GNAI1: variants seen among roughly 807,000 people sequenced by gnomAD.
GNAI1 encodes guanine nucleotide-binding protein G(i) subunit alpha-1.
Under a neutral mutation model 38.9 loss-of-function variants are expected in GNAI1, and 11 were observed. That is an observed-to-expected ratio of 0.28 (90% CI 0.18 to 0.47). The LOEUF is 0.47. GNAI1 is among the 20% of genes least tolerant of loss of function. GNAI1 has a pLI of 0.99. For missense variants in GNAI1, 317 were observed against 436.9 expected (o/e 0.73, Z 2.45); for synonymous variants, 166 against 145.1 (o/e 1.14, Z -1.04).
At chr7:80,172,994 A>C (rs941520705) in intron 1 of GNAI1, among the ~76,000 whole-genome samples, 2 of 152,182 alleles carry the variant, frequency 1.3e-5, no homozygotes. Flanking sequence ...GCACATGGCC[A>C]CACAGTTAGT....
At chr7:80,210,928 G>T in intron 5 of GNAI1, 41 bp from the exon 6 acceptor site, 1 of 1,583,860 alleles carries the variant, frequency 6.3e-7, no homozygotes, top group South Asian at 1.1e-5. Flanking sequence ...AGAGCTTTTT[G>T]AACATTTAAT....
intron 1 of GNAI1, among the ~76,000 whole-genome samples, chr7:80,141,069 C>T (rs1787517548): frequency 6.6e-6 from 1 of 152,194 alleles, no homozygotes; most frequent in Non-Finnish European, 1.5e-5. Context: ...CCACATAATC[C>T]AAGTTAATAG....
At chr7:80,209,180 A>G (rs1788830106) in intron 5 of GNAI1, among the ~76,000 whole-genome samples, 1 of 152,100 alleles carries the variant, frequency 6.6e-6, no homozygotes, top group Admixed American at 6.6e-5. Flanking sequence ...AGTCACTTCC[A>G]TGTTTTTAGG....
Position 80,185,407 on chromosome 7 carries a change from A to G in GNAI1, c.119-3544A>G, listed in dbSNP as rs78413172. Among the ~76,000 whole-genome samples, 573 of 152,254 alleles carry G rather than the reference A, an allele frequency of 3.8e-3. 1 individual carries two copies. Among genetic ancestry groups the G allele is most frequent in the Non-Finnish European group, 5.7e-3 (391 of 68,024 alleles). ...TAAGAATTGTTTAAGTAGATCCTGA[A>G]TTCCAATTTAACAGCTGAGGCCATC... On this transcript the variant is annotated intron_variant, in intron 1 of 7. Coordinates refer to ENST00000649796, the MANE Select transcript of GNAI1 (RefSeq NM_002069.6).
At chr7:80,197,498 A>G (rs955436403) in intron 3 of GNAI1, among the ~76,000 whole-genome samples, 1 of 151,990 alleles carries the variant, frequency 6.6e-6, no homozygotes, top group Non-Finnish European at 1.5e-5. Context: ...AAACCTACTT[A>G]AGCGAAGAGT....
intron 4 of GNAI1, among the ~76,000 whole-genome samples, chr7:80,200,093 A>G (rs189823321): frequency 2.6e-5 from 4 of 151,940 alleles, no homozygotes; most frequent in African/African-American, 9.7e-5. Flanking sequence ...AGGTGGGCAG[A>G]TCACTTGAGC....
chr7:80,168,776 C>T (rs1788055775), intron 1 of GNAI1, among the ~76,000 whole-genome samples: 1 of 152,168 alleles, frequency 6.6e-6, no homozygotes, highest in Non-Finnish European at 1.5e-5. Flanking sequence ...CTACATCATC[C>T]CAAATTAAAA....
In GNAI1 at chr7:80,222,880, T is replaced by C. The variant is rs1487538286; in HGVS notation, c.*5387T>C. Among the ~76,000 whole-genome samples, 1 of 152,174 alleles carries C rather than the reference T, an allele frequency of 6.6e-6. No individual in the cohort carries two copies. Among genetic ancestry groups the C allele is most frequent in the Non-Finnish European group, 1.5e-5 (1 of 68,038 alleles). On this transcript the variant is annotated 3_prime_UTR_variant, in exon 8 of 8. Coordinates refer to ENST00000649796, the MANE Select transcript of GNAI1 (RefSeq NM_002069.6). ...CACTGTAAGTTGATAATACCTTATT[T>C]TGAAAATGCATTTAATACACCTAAC...
intron 3 of GNAI1, among the ~76,000 whole-genome samples, chr7:80,198,201 C>A (rs1019555413): frequency 6.6e-6 from 1 of 151,314 alleles, no homozygotes; most frequent in Non-Finnish European, 1.5e-5. Context: ...TTGAAATGGG[C>A]TGTATGCATA....
At chr7:80,211,876 G>C (rs1788880742) in intron 6 of GNAI1, among the ~76,000 whole-genome samples, 1 of 152,160 alleles carries the variant, frequency 6.6e-6, no homozygotes, top group African/African-American at 2.4e-5. Flanking sequence ...AAGTAGAAAT[G>C]TCGGTTTTGT....
At chr7:80,138,621 G>A (rs1399730177) in intron 1 of GNAI1, among the ~76,000 whole-genome samples, 2 of 152,048 alleles carry the variant, frequency 1.3e-5, no homozygotes, top group East Asian at 3.8e-4. Flanking sequence ...ATTTCGGTAG[G>A]TAACTATAGT....
At chr7:80,211,164 C>A (rs1788866896) in intron 6 of GNAI1, 66 bp downstream of exon 6, 14 of 1,405,326 alleles carry the variant, frequency 1.0e-5, no homozygotes, top group Non-Finnish European at 1.0e-6. Context: ...CCAAGAATTT[C>A]TTTCTAATGT....
At chr7:80,157,868 G>C (rs761961362) in intron 1 of GNAI1, among the ~76,000 whole-genome samples, 4 of 151,794 alleles carry the variant, frequency 2.6e-5, no homozygotes, top group African/African-American at 9.7e-5. Context: ...CAAAACACCC[G>C]GCTAATTTTT....
chr7:80,166,891 A>G (rs1230466187), intron 1 of GNAI1, among the ~76,000 whole-genome samples: 1 of 152,184 alleles, frequency 6.6e-6, no homozygotes, highest in African/African-American at 2.4e-5. Context: ...CTTTAGATTT[A>G]TAAGTTGACA....
At chr7:80,158,775 C>A (rs1218459129) in intron 1 of GNAI1, among the ~76,000 whole-genome samples, 1 of 152,186 alleles carries the variant, frequency 6.6e-6, no homozygotes, top group Non-Finnish European at 1.5e-5. Flanking sequence ...TCAGTTTGCA[C>A]CACGCTATTC....
Position 80,135,209 on chromosome 7 carries a change from A to G in GNAI1, c.49A>G (p.Lys17Glu), listed in dbSNP as rs1787387719. The G allele has an allele frequency of 1.3e-6, 2 of 1,559,578 alleles. No homozygotes were observed. Among genetic ancestry groups the G allele is most frequent in the Non-Finnish European group, 1.7e-6 (2 of 1,154,008 alleles). The change falls in exon 1 of 8, where the codon AAG (lysine) becomes GAG (glutamate). Residue 17 changes from lysine (K) to glutamate (E), a missense_variant. Lys to Glu is a moderately conservative substitution (Grantham distance 56, BLOSUM62 1). Transcript: ENST00000649796. ...AEDKAAVERS[K>E]MIDRNLREDG... The stretch of plus-strand genomic sequence containing the variant: ...GGACAAGGCGGCGGTGGAGCGGAGT[A>G]AGATGATCGACCGCAACCTCCGTGA...
At chr7:80,160,968 CTAGT>C (rs1185224111) in intron 1 of GNAI1, among the ~76,000 whole-genome samples, 3 of 152,084 alleles carry the variant, frequency 2.0e-5, no homozygotes, top group Non-Finnish European at 4.4e-5. Flanking sequence ...AAGTGGCTCC[CTAGT>C]TAATCACATC....
At chr7:80,205,506 A>G (rs2115689256) in intron 5 of GNAI1, among the ~76,000 whole-genome samples, 1 of 152,268 alleles carries the variant, frequency 6.6e-6, no homozygotes, top group Non-Finnish European at 1.5e-5. Flanking sequence ...TTTTTTAAGG[A>G]AAATTTTAAT....
At chr7:80,197,235 G>GACACAGAAAGAAAAATAAA (rs1788594349) in intron 3 of GNAI1, among the ~76,000 whole-genome samples, 1 of 148,304 alleles carries the variant, frequency 6.7e-6, no homozygotes, top group Non-Finnish European at 1.5e-5. Flanking sequence ...AAATAAGCCA[G>GACACAGAAAGAAAAATAAA]ACACAGAAAG....
Sources: gnomAD v4.1 joint callset for allele counts (sites outside exome capture counted in the v4.1 genomes callset) on GRCh38, gnomAD v4.1.1 for gene constraint, MANE v1.5 for transcripts, NCBI Gene and HGNC (gene_info 2026-07-23, HGNC 2026-07-21) for gene names.